SND1: variants seen among roughly 807,000 people sequenced by gnomAD.
SND1 encodes staphylococcal nuclease and tudor domain containing 1.
SND1 carries 38 observed loss-of-function variants against 121.7 expected under a neutral mutation model. That is an observed-to-expected ratio of 0.31 (90% CI 0.24 to 0.41). The LOEUF is 0.41. Among genes scored for constraint, SND1 ranks in the 10% least tolerant of loss-of-function variants. The pLI is 1.00. For synonymous variants in SND1, 401 were observed against 447.4 expected (o/e 0.90, Z 1.31); for missense variants, 868 against 1,184.6 (o/e 0.73, Z 3.92).
intron 14 of SND1, among the ~76,000 whole-genome samples, chr7:127,926,798 A>T (rs1800853030): frequency 6.6e-6 from 1 of 151,264 alleles, no homozygotes; most frequent in Admixed American, 6.6e-5. Context: ...TCACCGTGTT[A>T]GCCAGGATAC....
At chr7:127,678,387 C>T (rs1416560605) in intron 1 of SND1, among the ~76,000 whole-genome samples, 1 of 152,072 alleles carries the variant, frequency 6.6e-6, no homozygotes, top group Non-Finnish European at 1.5e-5. Flanking sequence ...AACTGCGGCC[C>T]GATTTTTGGC....
At position 127,976,486 on chromosome 7, in the gene SND1, G is replaced by C. The variant is rs565416637; in HGVS notation, c.1670-14461G>C. On this transcript the variant is annotated intron_variant, in intron 15 of 23. Transcript: ENST00000354725. ...CCAGCATGACAGTTGAAATCCTGGT[G>C]CTTTGGTGCACTGTTGCCACACTGT... Among the ~76,000 whole-genome samples, 44 of 152,254 alleles carry C rather than the reference G, an allele frequency of 2.9e-4. 1 individual carries two copies. The highest frequency in any genetic ancestry group is 5.2e-4 in the Admixed American group (8 of 15,286).
At chr7:127,775,929 G>A (rs1356593656) in intron 10 of SND1, among the ~76,000 whole-genome samples, 1 of 152,124 alleles carries the variant, frequency 6.6e-6, no homozygotes, top group Non-Finnish European at 1.5e-5. Context: ...CTTTGCATAT[G>A]TATTTATAAA....
intron 14 of SND1, among the ~76,000 whole-genome samples, chr7:127,919,380 C>T (rs936544728): frequency 1.3e-5 from 2 of 152,162 alleles, no homozygotes; most frequent in Non-Finnish European, 2.9e-5. Flanking sequence ...ACTTGTGCCT[C>T]ATCAGATGTC....
intron 15 of SND1, among the ~76,000 whole-genome samples, chr7:127,955,079 T>TA (rs539972877): frequency 1.0e-3 from 155 of 152,348 alleles, no homozygotes; most frequent in African/African-American, 2.4e-3. Flanking sequence ...GGCATCTCTG[T>TA]AAAGTCTCTT....
rs760896251 is a variant in SND1, at chr7:128,029,456, G to A, written c.1779+38400G>A. 2 of 1,614,194 alleles carry A rather than the reference G, an allele frequency of 1.2e-6. No homozygotes were observed. Among genetic ancestry groups the A allele is most frequent in the Non-Finnish European group, 1.7e-6 (2 of 1,180,038 alleles). On this transcript the variant is annotated intron_variant, in intron 16 of 23. Coordinates refer to ENST00000354725, the MANE Select transcript of SND1 (RefSeq NM_014390.4). This position sits in a 1 kb window ranked among gnomAD's most constrained non-coding sequence, Gnocchi z 4.2. ...GGACAGAGATCCTTGGGTGGCGGGA[G>A]GCGTGGCTGAGCACTGTCCCATTGG...
chr7:128,083,252 T>C (rs1359168556), intron 18 of SND1, among the ~76,000 whole-genome samples: 1 of 152,226 alleles, frequency 6.6e-6, no homozygotes, highest in Non-Finnish European at 1.5e-5. Flanking sequence ...CTTTGCCTGT[T>C]GGCAGGAGAC....
intron 14 of SND1, among the ~76,000 whole-genome samples, chr7:127,913,715 A>G (rs902744112): frequency 1.3e-5 from 2 of 152,176 alleles, no homozygotes; most frequent in Admixed American, 6.5e-5. Flanking sequence ...GATCTGTCCC[A>G]TGGCTGCTGA....
intron 16 of SND1, chr7:127,999,051 TG>T: frequency 1.3e-5 from 2 of 152,388 alleles, no homozygotes; most frequent in South Asian, 4.1e-4. Flanking sequence ...TTCATTGGCT[TG>T]GCCAAGATTC....
At chr7:128,089,403 G>T in intron 21 of SND1, 86 bp from the exon 22 acceptor site, 1 of 1,362,390 alleles carries the variant, frequency 7.3e-7, no homozygotes, top group South Asian at 1.3e-5. Context: ...CTGCTGGCCA[G>T]ACTTTCTTGG....
chr7:127,854,118 TTTTTGTTCTG>T (rs1359046952), intron 12 of SND1, among the ~76,000 whole-genome samples: 1 of 152,124 alleles, frequency 6.6e-6, no homozygotes, highest in East Asian at 1.9e-4. Flanking sequence ...CTTTGTTCGT[TTTTTGTTCTG>T]TTTTGTTTTG....
chr7:127,815,039 T>G (rs1046747681), intron 11 of SND1, among the ~76,000 whole-genome samples: 1 of 152,208 alleles, frequency 6.6e-6, no homozygotes, highest in African/African-American at 2.4e-5. Flanking sequence ...GAATTGGCTT[T>G]TTTTTACTTT....
In SND1 at chr7:127,718,883, A is replaced by G. The variant is rs1438074037; in HGVS notation, c.1039-2404A>G. 1.2e-5 allele frequency: 5 copies of G among 400,364 alleles called. No individual in the cohort carries two copies. In the East Asian group the frequency reaches 4.8e-4, roughly 38 times the overall value. The allele number at this position is 400,364 out of a possible 1,614,324, so 24.8% of individuals were successfully genotyped here. A position where few individuals can be genotyped will look rare whatever the true frequency, so the allele number is the denominator to read the frequency against. ...TTCCTTATGTTTTTGGGAATTCACA[A>G]CAAGAATTTGTTTTGGTTTGAGAGA... On this transcript the variant is annotated intron_variant, in intron 9 of 23. Coordinates refer to ENST00000354725, the MANE Select transcript of SND1 (RefSeq NM_014390.4).
chr7:127,701,251 A>C lies in SND1; in HGVS notation c.517A>C (p.Ile173Leu), dbSNP rs931864712. 3 of 1,614,078 alleles carry C rather than the reference A, an allele frequency of 1.9e-6. No individual in the cohort carries two copies. Among genetic ancestry groups the C allele is most frequent in the Non-Finnish European group, 2.5e-6 (3 of 1,179,964 alleles). The change falls in exon 5 of 24, where the codon ATC (isoleucine) becomes CTC (leucine). Residue 173 changes from isoleucine (I) to leucine (L), a missense_variant. Around this residue, in one of 2 missense-constraint regions of SND1, gnomAD observed 743 missense variants for 1,071.3 expected, o/e 0.69. Coordinates refer to ENST00000354725, the MANE Select transcript of SND1 (RefSeq NM_014390.4). ...GAGTGAGGGGAACGGTTCACATACT[A>C]TCCGGGATCTCAAGTATACCATTGA... ...MWSEGNGSHT[I>L]RDLKYTIENP...
Position 127,769,034 on chromosome 7 carries a change from C to A in SND1, c.1153-38450C>A, listed in dbSNP as rs148975237. On this transcript the variant is annotated intron_variant, in intron 10 of 23. Coordinates refer to ENST00000354725, the MANE Select transcript of SND1 (RefSeq NM_014390.4). ...CAATAAGTTAAATATGTGTATATGGCAAATTCTTTGTCTTCATGGCATCTC... is the reference window on the plus strand; with the variant it reads ...CAATAAGTTAAATATGTGTATATGGAAAATTCTTTGTCTTCATGGCATCTC... Among the ~76,000 whole-genome samples the A allele has an allele frequency of 5.9e-5, 9 of 152,240 alleles. No individual in the cohort carries two copies. The East Asian group carries it at 1.5e-3, about 26-fold the overall frequency.
intron 11 of SND1, among the ~76,000 whole-genome samples, chr7:127,840,711 G>A (rs1416954911): frequency 2.6e-5 from 4 of 152,146 alleles, no homozygotes; most frequent in Admixed American, 6.5e-5. Flanking sequence ...CAGGGTAGAG[G>A]AAGAGATCTC....
chr7:127,907,430 A>G (rs1800363171), intron 14 of SND1, among the ~76,000 whole-genome samples: 2 of 152,222 alleles, frequency 1.3e-5, no homozygotes, highest in African/African-American at 4.8e-5. Flanking sequence ...AATGTAATGC[A>G]CATATACGTA....
intron 12 of SND1, among the ~76,000 whole-genome samples, chr7:127,873,946 G>C (rs1330258712): frequency 7.9e-5 from 12 of 152,144 alleles, no homozygotes; most frequent in Admixed American, 7.2e-4. Context: ...AGAGCTAATA[G>C]AACTCACTGG....
intron 1 of SND1, among the ~76,000 whole-genome samples, chr7:127,663,894 C>G (rs1361950034): frequency 6.6e-6 from 1 of 152,156 alleles, no homozygotes; most frequent in Non-Finnish European, 1.5e-5. Context: ...GACTTTTTTC[C>G]TATTTGCTGG....
Sources: gnomAD v4.1 joint callset for allele counts (sites outside exome capture counted in the v4.1 genomes callset) on GRCh38, gnomAD v4.1.1 for gene constraint, gnomAD v4.1.1 regional missense constraint, Gnocchi (gnomAD v3.1) non-coding constraint, MANE v1.5 for transcripts, NCBI Gene and HGNC (gene_info 2026-07-23, HGNC 2026-07-21) for gene names.